KIF9: variants seen among roughly 807,000 people sequenced by gnomAD.
The protein encoded by KIF9 is kinesin-like protein KIF9.
KIF9 carries 68 observed loss-of-function variants against 94.8 expected under a neutral mutation model. The ratio of observed to expected loss-of-function variants is 0.72; its 90% confidence interval spans 0.59 to 0.88. KIF9 has a LOEUF of 0.88. Ranked by LOEUF, KIF9 falls within the 40% of genes least tolerant of loss-of-function variation. The pLI, the probability that KIF9 is intolerant of heterozygous loss-of-function variation, is 0.00. For synonymous variants in KIF9, 343 were observed against 362.1 expected (o/e 0.95, Z 0.60); for missense variants, 882 against 982.5 (o/e 0.90, Z 1.37).
At chr3:47,256,739 T>C (rs569321582) in intron 10 of KIF9, among the ~76,000 whole-genome samples, 53 of 152,272 alleles carry the variant, frequency 3.5e-4, no homozygotes, top group African/African-American at 1.3e-3. Context: ...AGTCGGATGG[T>C]TGCCATGTCT....
At chr3:47,236,698 G>C (rs1200862543) in intron 17 of KIF9, 79 bp from the exon 18 acceptor site, 1 of 1,307,182 alleles carries the variant, frequency 7.7e-7, no homozygotes, top group East Asian at 2.4e-5. Context: ...CAGAAGGTGG[G>C]CACAGAGCTG....
chr3:47,279,628 T>A (rs1021386172), intron 1 of KIF9, among the ~76,000 whole-genome samples: 2 of 151,832 alleles, frequency 1.3e-5, no homozygotes, highest in African/African-American at 2.4e-5. Flanking sequence ...TTTTATTTTT[T>A]TTTTTTGAGG....
intron 7 of KIF9, among the ~76,000 whole-genome samples, chr3:47,266,464 C>T (rs972384034): frequency 3.3e-5 from 5 of 152,038 alleles, no homozygotes; most frequent in Non-Finnish European, 5.9e-5. Flanking sequence ...GGCAACATAG[C>T]GAGACCCCGT....
chr3:47,248,996 A>G (rs1302160573), intron 10 of KIF9, among the ~76,000 whole-genome samples: 1 of 152,064 alleles, frequency 6.6e-6, no homozygotes, highest in Non-Finnish European at 1.5e-5. Flanking sequence ...TCGGCCTCCC[A>G]AAGGGCTGGG....
chr3:47,236,744 G>C, intron 17 of KIF9, 125 bp from the exon 18 acceptor site: 1 of 805,484 alleles, frequency 1.2e-6, no homozygotes, highest in Non-Finnish European at 2.0e-6. Flanking sequence ...AGGCAGGGCT[G>C]GCCCATGGCA....
intron 17 of KIF9, among the ~76,000 whole-genome samples, chr3:47,237,951 A>G (rs1007679777): frequency 3.2e-4 from 48 of 152,328 alleles, no homozygotes; most frequent in African/African-American, 9.9e-4. Flanking sequence ...AATCCTTTAC[A>G]GAGTAGAGGC....
At position 47,236,615 on chromosome 3, in the gene KIF9, C is replaced by T. The variant is rs763925413; in HGVS notation, c.1929G>A (p.Lys643=). The T allele has an allele frequency of 9.3e-6, 15 of 1,613,624 alleles. No homozygotes were observed. In the Admixed American group the frequency reaches 2.2e-4, roughly 23 times the overall value. The change falls in exon 18 of 21, where the codon AAG becomes AAA. Residue 643 remains lysine, a synonymous_variant. Coordinates refer to ENST00000684063, the MANE Select transcript of KIF9 (RefSeq NM_182902.4). The part of the protein sequence containing the change: ...FQKSLREKQG[K]YENKGLMIID... Reference sequence around the variant, plus strand: ...TGATCATCAGCCCCTTGTTTTCGTACTTGCCTGCAAGGTGATGGAAGAAGT... The same window carrying T: ...TGATCATCAGCCCCTTGTTTTCGTATTTGCCTGCAAGGTGATGGAAGAAGT...
intron 9 of KIF9, among the ~76,000 whole-genome samples, chr3:47,261,607 A>T (rs1014013271): frequency 2.0e-5 from 3 of 152,224 alleles, no homozygotes; most frequent in African/African-American, 4.8e-5. Context: ...AGTGGGCCAG[A>T]GGAAAGACTG....
intron 9 of KIF9, 50 bp from the exon 10 acceptor site, chr3:47,257,610 C>T (rs1391155742): frequency 4.6e-6 from 7 of 1,511,204 alleles, no homozygotes; most frequent in South Asian, 1.1e-5. Context: ...TAAAGTGAGA[C>T]CCCAAGAGAC....
At chr3:47,273,020 G>A (rs564604203) in intron 4 of KIF9, among the ~76,000 whole-genome samples, 60 of 152,288 alleles carry the variant, frequency 3.9e-4, no homozygotes, top group Admixed American at 9.2e-4. Flanking sequence ...CAGGCTAGTG[G>A]GGCCCAAAGG....
chr3:47,280,979 G>A (rs1305894282), intron 1 of KIF9: 5 of 702,996 alleles, frequency 7.1e-6, no homozygotes, highest in South Asian at 1.5e-5. Flanking sequence ...CCATTCTTAC[G>A]TCGCTTCATT....
chr3:47,279,389 A>G (rs913884657), intron 1 of KIF9, among the ~76,000 whole-genome samples: 2 of 149,568 alleles, frequency 1.3e-5, no homozygotes, highest in Non-Finnish European at 3.0e-5. Flanking sequence ...AGACAGGAGA[A>G]TTGCTTGAAT....
intron 4 of KIF9, among the ~76,000 whole-genome samples, chr3:47,272,937 T>C (rs1225949737): frequency 6.6e-6 from 1 of 152,208 alleles, no homozygotes; most frequent in Non-Finnish European, 1.5e-5. Context: ...ACACTTCTTA[T>C]AGGACAGGGC....
At chr3:47,242,846 T>G in intron 16 of KIF9, 2 of 412,058 alleles carry the variant, frequency 4.9e-6, no homozygotes, top group Non-Finnish European at 8.6e-6. Flanking sequence ...AATGATTCCA[T>G]GTTTAATTGT....
rs997062817 is a variant in KIF9 at position 47,234,513 on chromosome 3, C to T, written c.2322+1000G>A. Among the ~76,000 whole-genome samples, 5 of 151,564 alleles carry T rather than the reference C, an allele frequency of 3.3e-5. No homozygotes were observed. The East Asian group carries it at 5.8e-4, about 18-fold the overall frequency. ...CCTCCCAAAGTGCTGGGATTACAGG[C>T]GTGAGCCACCGTGCCCAGCCAGAGC... On this transcript the variant is annotated intron_variant, in intron 20 of 20. Coordinates refer to ENST00000684063, the MANE Select transcript of KIF9 (RefSeq NM_182902.4).
intron 2 of KIF9, among the ~76,000 whole-genome samples, chr3:47,276,246 A>G (rs919937159): frequency 5.3e-5 from 8 of 152,068 alleles, no homozygotes; most frequent in Non-Finnish European, 1.2e-4. Flanking sequence ...CTACAGAGAG[A>G]AAAATTAAGA....
rs534537081 is a variant in KIF9 at position 47,278,248 on chromosome 3, A to AT, written c.-5-870dup. Among the ~76,000 whole-genome samples the AT allele has an allele frequency of 3.2e-3, 485 of 150,822 alleles. 4 individuals are homozygous for AT. Among genetic ancestry groups the AT allele is most frequent in the African/African-American group, 0.011 (453 of 41,072 alleles). ...CACTGTGCCCGGCTAGTTTTCTTAC[A>AT]TTTTTTTTGCAGAGATGGCGTCTTA... On this transcript the variant is annotated intron_variant, in intron 1 of 20. Coordinates refer to ENST00000684063, the MANE Select transcript of KIF9 (RefSeq NM_182902.4).
At position 47,244,851 on chromosome 3, in the gene KIF9, G is replaced by A; in HGVS notation, c.1454C>T (p.Pro485Leu). 6.2e-7 allele frequency: 1 copy of A among 1,614,164 alleles called. No individual in the cohort carries two copies. Reference sequence around the variant, plus strand: ...TTTCTTCCCAGGTTTGGTAGAGAAAGGGGCGACTCCGAGTCCAAAGTTTTG... The same window carrying A: ...TTTCTTCCCAGGTTTGGTAGAGAAAAGGGCGACTCCGAGTCCAAAGTTTTG... ...EGQNFGLGVAPFSTKPGKKAK... is the reference protein window; with the variant it reads ...EGQNFGLGVALFSTKPGKKAK... Residue 485 changes from proline to leucine, a missense_variant, in exon 15 of 21, where the codon CCT (proline) becomes CTT (leucine). Coordinates refer to ENST00000684063, the MANE Select transcript of KIF9 (RefSeq NM_182902.4).
chr3:47,228,716 G>A lies in KIF9; in HGVS notation c.2323-14C>T. On this transcript the variant is annotated splice_polypyrimidine_tract_variant and intron_variant, in intron 20 of 20. Coordinates refer to ENST00000684063, the MANE Select transcript of KIF9 (RefSeq NM_182902.4). ...CAAGTAATTATGCTGGACACAGAGG[G>A]AAGAGAAAACAGGAACTTATTAGGA... 2 of 1,612,586 alleles carry A rather than the reference G, an allele frequency of 1.2e-6. No individual in the cohort carries two copies. Among genetic ancestry groups the A allele is most frequent in the South Asian group, 1.1e-5 (1 of 91,040 alleles).
Sources: gnomAD v4.1 joint callset for allele counts (sites outside exome capture counted in the v4.1 genomes callset) on GRCh38, gnomAD v4.1.1 for gene constraint, MANE v1.5 for transcripts, NCBI Gene and HGNC (gene_info 2026-07-23, HGNC 2026-07-21) for gene names.